RPS6KA3: variants seen among roughly 807,000 people sequenced by gnomAD.
RPS6KA3 encodes ribosomal protein S6 kinase A3.
RPS6KA3 carries 4 observed loss-of-function variants against 67.2 expected under a neutral mutation model. The observed-to-expected ratio is 0.06, with a 90% confidence interval of 0.03 to 0.14. RPS6KA3 has a LOEUF of 0.14. Ranked by LOEUF, RPS6KA3 falls within the 10% of genes least tolerant of loss-of-function variation. The probability of loss-of-function intolerance (pLI) is 1.00; values close to 1 mark genes in which losing one functional copy is unlikely to be tolerated. For synonymous variants in RPS6KA3, 182 were observed against 183.7 expected (o/e 0.99, Z 0.07); for missense variants, 204 against 559.0 (o/e 0.36, Z 6.40).
In RPS6KA3 at chrX:20,175,177, T is replaced by A; in HGVS notation, c.1214A>T (p.His405Leu). Residue 405 changes from histidine (H) to leucine (L), a missense_variant, in exon 14 of 22, where the codon CAT becomes CTT. Physicochemically the swap from His to Leu is moderately conservative, Grantham distance 99. Around this residue, in one of 4 missense-constraint regions of RPS6KA3, gnomAD observed 24 missense variants for 25.1 expected, o/e 0.96. Coordinates refer to ENST00000379565, the MANE Select transcript of RPS6KA3 (RefSeq NM_004586.3). ...ACATCCACTCACCTGAACAATTGAA[T>A]GTACACCAACTGTCTGCATAGCTTG... ...ESQAMQTVGVHSIVQQLHRNS... is the reference protein window; with the variant it reads ...ESQAMQTVGVLSIVQQLHRNS... 8.3e-7 allele frequency: 1 copy of A among 1,207,182 alleles called. No individual in the cohort carries two copies. The highest frequency in any genetic ancestry group is 1.7e-5 in the African/African-American group (1 of 57,810).
chrX:20,188,374 C>A, intron 8 of RPS6KA3, 123 bp downstream of exon 8: 1 of 447,341 alleles, frequency 2.2e-6, no homozygotes, highest in Non-Finnish European at 3.9e-6. Flanking sequence ...CTACGCCTGG[C>A]CCTAATACAA....
intron 7 of RPS6KA3, among the ~76,000 whole-genome samples, chrX:20,191,869 C>T (rs1420009448): frequency 6.3e-5 from 7 of 110,743 alleles, no homozygotes; most frequent in African/African-American, 1.3e-4. Flanking sequence ...CGGATTCAAG[C>T]GATTCTCCTG....
At chrX:20,204,201 T>G in intron 3 of RPS6KA3, 98 bp from the exon 4 acceptor site, 1 of 523,260 alleles carries the variant, frequency 1.9e-6, no homozygotes, top group Non-Finnish European at 3.3e-6. Context: ...TATTATAATA[T>G]AGATTCAGAT....
At chrX:20,163,094 G>T in intron 18 of RPS6KA3, 54 bp from the exon 19 acceptor site, 1 of 767,805 alleles carries the variant, frequency 1.3e-6, no homozygotes, top group East Asian at 3.2e-5. Flanking sequence ...ATATATATTT[G>T]TAAGGCTATG....
At chrX:20,233,827 G>A (rs1252502551) in intron 2 of RPS6KA3, among the ~76,000 whole-genome samples, 1 of 112,173 alleles carries the variant, frequency 8.9e-6, no homozygotes, top group African/African-American at 3.2e-5. Context: ...AGATGTTCAA[G>A]ACATGTTAAG....
rs1022058956 is a variant in RPS6KA3 at position 20,155,108 on chromosome X, G to T, written c.*290C>A. 6.0e-6 allele frequency: 2 copies of T among 333,339 alleles called. No homozygotes were observed. The highest frequency in any genetic ancestry group is 4.7e-5 in the Admixed American group (1 of 21,146). The allele number at this position is 333,339 out of a possible 1,213,427, so 27.5% of individuals were successfully genotyped here. A position where few individuals can be genotyped will look rare whatever the true frequency, so the allele number is the denominator to read the frequency against. On this transcript the variant is annotated 3_prime_UTR_variant, in exon 22 of 22. Coordinates refer to ENST00000379565, the MANE Select transcript of RPS6KA3 (RefSeq NM_004586.3). ...TGCTATATGGTGTACTTTATTCAGT[G>T]TATTTTTAGGTGGTATTCATATGTT... is the stretch of plus-strand genomic sequence containing the variant.
intron 1 of RPS6KA3, among the ~76,000 whole-genome samples, chrX:20,250,908 A>T (rs140394082): frequency 0.011 from 1,247 of 112,013 alleles, 6 homozygotes; most frequent in Middle Eastern, 0.018. Flanking sequence ...TTTCTGGAAG[A>T]GACTATGTAG....
intron 2 of RPS6KA3, among the ~76,000 whole-genome samples, chrX:20,222,637 A>T (rs1387784912): frequency 8.9e-6 from 1 of 112,043 alleles, no homozygotes; most frequent in Non-Finnish European, 1.9e-5. Flanking sequence ...CAGCCAGAAT[A>T]ATCTTTTTTT....
At position 20,153,250 on chromosome X, in the gene RPS6KA3, C is replaced by G. The variant is rs1483062699; in HGVS notation, c.*2148G>C. 1.8e-5 allele frequency: 2 copies of G among 111,936 alleles called. No individual in the cohort carries two copies. Among genetic ancestry groups the G allele is most frequent in the African/African-American group, 6.5e-5 (2 of 30,814 alleles). The allele number at this position is 111,936 out of a possible 1,213,427, so 9.2% of individuals were successfully genotyped here. On this transcript the variant is annotated 3_prime_UTR_variant, in exon 22 of 22. Transcript: ENST00000379565. The stretch of plus-strand genomic sequence containing the variant: ...GAGGGAAAAAAGCTCTCTTTCCAGG[C>G]AATGGAAAGCAGCTTTTAATAGCAT...
chrX:20,237,215 C>T (rs1211147215), intron 1 of RPS6KA3, among the ~76,000 whole-genome samples: 1 of 111,340 alleles, frequency 9.0e-6, no homozygotes, highest in African/African-American at 3.3e-5. Context: ...CTATATTTGT[C>T]ATCTTAATGA....
intron 3 of RPS6KA3, among the ~76,000 whole-genome samples, chrX:20,205,728 A>C (rs1378026796): frequency 8.9e-6 from 1 of 112,270 alleles, no homozygotes; most frequent in Non-Finnish European, 1.9e-5. Flanking sequence ...TGACGGAAAT[A>C]AAATCTGATT....
At chrX:20,198,960 C>T (rs1470415604) in intron 4 of RPS6KA3, among the ~76,000 whole-genome samples, 1 of 111,083 alleles carries the variant, frequency 9.0e-6, no homozygotes, top group Admixed American at 9.6e-5. Context: ...CAACCTCCGC[C>T]TCCTGGGTTC....
intron 2 of RPS6KA3, among the ~76,000 whole-genome samples, chrX:20,221,197 A>G (rs1029849957): frequency 1.8e-5 from 2 of 111,844 alleles, no homozygotes; most frequent in African/African-American, 6.5e-5. Context: ...GACCTCAAAT[A>G]AATGGCTGCC....
rs2067130755 is a variant in RPS6KA3, at chrX:20,153,124, T to A, written c.*2274A>T. 9.0e-6 allele frequency: 1 copy of A among 111,591 alleles called. No individual in the cohort carries two copies. Among genetic ancestry groups the A allele is most frequent in the Admixed American group, 9.5e-5 (1 of 10,487 alleles). 9.2% of individuals were successfully genotyped at this position (111,591 alleles called of 1,213,427 possible). Reference sequence around the variant, plus strand: ...AAGCAATTACGGAGTAGCATCAGTGTAAAAAAATCTGAAAATATATCTATT... The same window carrying A: ...AAGCAATTACGGAGTAGCATCAGTGAAAAAAAATCTGAAAATATATCTATT... On this transcript the variant is annotated 3_prime_UTR_variant, in exon 22 of 22. Coordinates refer to ENST00000379565, the MANE Select transcript of RPS6KA3 (RefSeq NM_004586.3).
At position 20,266,854 on chromosome X, in the gene RPS6KA3, C is replaced by G; in HGVS notation, c.-222G>C. ...AGCCGCGCGCCTGGCCAGAGACGCC[C>G]GCGCGCTGAGCGAGAGCCTCGCGCC... is the stretch of plus-strand genomic sequence containing the variant. On this transcript the variant is annotated 5_prime_UTR_variant, in exon 1 of 22. Transcript: ENST00000379565. 2 of 433,933 alleles carry G rather than the reference C, an allele frequency of 4.6e-6. No homozygotes were observed. The highest frequency in any genetic ancestry group is 5.8e-6 in the Non-Finnish European group (2 of 346,216). The allele number at this position is 433,933 out of a possible 1,213,427, so 35.8% of individuals were successfully genotyped here. A position where few individuals can be genotyped will look rare whatever the true frequency, so the allele number is the denominator to read the frequency against.
Position 20,174,819 on chromosome X carries a change from A to C in RPS6KA3, c.1227+345T>G, listed in dbSNP as rs185620531. Among the ~76,000 whole-genome samples, 902 of 111,578 alleles carry C rather than the reference A, an allele frequency of 8.1e-3. 8 individuals are homozygous for C. Among genetic ancestry groups the C allele is most frequent in the Middle Eastern group, 0.014 (3 of 215 alleles). On this transcript the variant is annotated intron_variant, in intron 14 of 21. Transcript: ENST00000379565. ...ACCCAGGCTGGAGTGCAGTGGTGCG[A>C]TCTCCGCTCACTGCAACCTCTGCCT...
chrX:20,262,113 G>A (rs1481450255), intron 1 of RPS6KA3, among the ~76,000 whole-genome samples: 1 of 111,646 alleles, frequency 9.0e-6, no homozygotes, highest in East Asian at 2.8e-4. Context: ...AATCTGAACC[G>A]TTGGGTCTAA....
At chrX:20,212,966 T>C (rs1325548084) in intron 2 of RPS6KA3, among the ~76,000 whole-genome samples, 1 of 111,761 alleles carries the variant, frequency 8.9e-6, no homozygotes, top group Non-Finnish European at 1.9e-5. Context: ...CTCCAATTCA[T>C]CTTTTTGACA....
Position 20,183,188 on chromosome X carries a change from A to T in RPS6KA3, c.845+3108T>A, listed in dbSNP as rs559821223. On this transcript the variant is annotated intron_variant, in intron 10 of 21. Coordinates refer to ENST00000379565, the MANE Select transcript of RPS6KA3 (RefSeq NM_004586.3). ...ATGTATGGTGGAAGGTAGGAATTTTAAAAAAAATTTTTAATTCTTTTAAAG... is the reference window on the plus strand; with the variant it reads ...ATGTATGGTGGAAGGTAGGAATTTTTAAAAAAATTTTTAATTCTTTTAAAG... 5.7e-4 allele frequency among the ~76,000 whole-genome samples: 63 copies of T among 110,839 alleles called. No homozygotes were observed. In the South Asian group the frequency reaches 0.021, roughly 38 times the overall value.
Sources: gnomAD v4.1 joint callset for allele counts (sites outside exome capture counted in the v4.1 genomes callset) on GRCh38, gnomAD v4.1.1 for gene constraint, gnomAD v4.1.1 regional missense constraint, MANE v1.5 for transcripts, NCBI Gene and HGNC (gene_info 2026-07-23, HGNC 2026-07-21) for gene names.